LRCH2: variants seen among roughly 807,000 people sequenced by gnomAD.
LRCH2 encodes leucine rich repeats and calponin homology domain containing 2.
A neutral mutation model predicts 68.9 loss-of-function variants in LRCH2; 38 were observed. The ratio of observed to expected loss-of-function variants is 0.55; its 90% CI spans 0.43 to 0.72. The LOEUF is 0.72. Among genes scored for constraint, LRCH2 ranks in the 30% least tolerant of loss-of-function variants. The probability of loss-of-function intolerance (pLI) is 0.00; values close to 1 mark genes in which losing one functional copy is unlikely to be tolerated. For synonymous variants in LRCH2, 191 were observed against 208.1 expected, an observed-to-expected ratio of 0.92 and a Z score of 0.71; for missense variants, 528 against 572.9, an observed-to-expected ratio of 0.92 and a Z score of 0.80.
At chrX:115,200,797 C>G (rs2072925374) in intron 1 of LRCH2, among the ~76,000 whole-genome samples, 1 of 110,981 alleles carries the variant, frequency 9.0e-6, no homozygotes, top group African/African-American at 3.3e-5. Flanking sequence ...CTAATTCTTT[C>G]CATGAGGCCA....
intron 20 of LRCH2, among the ~76,000 whole-genome samples, chrX:115,120,094 C>G (rs1375783947): frequency 9.7e-5 from 10 of 103,099 alleles, no homozygotes; most frequent in Non-Finnish European, 1.6e-4. Flanking sequence ...CATTACCATT[C>G]AGGACATAGG....
At chrX:115,146,906 TACACACACACACAC>T (rs57837250) in intron 14 of LRCH2, among the ~76,000 whole-genome samples, 22 of 67,575 alleles carry the variant, frequency 3.3e-4, no homozygotes, top group African/African-American at 6.3e-4. Context: ...CTTACATACA[TACACACACACACAC>T]ACACACACAC....
At chrX:115,233,426 C>T (rs1277170973) in intron 1 of LRCH2, among the ~76,000 whole-genome samples, 2 of 111,794 alleles carry the variant, frequency 1.8e-5, no homozygotes, top group Non-Finnish European at 3.8e-5. Flanking sequence ...CCCTCCCACC[C>T]AAACTGGGGA....
In LRCH2 at chrX:115,123,193, C is replaced by T; in HGVS notation, c.1850-1G>A. 1 of 1,193,702 alleles carries T rather than the reference C, an allele frequency of 8.4e-7. No individual in the cohort carries two copies. The highest frequency in any genetic ancestry group is 1.1e-6 in the Non-Finnish European group (1 of 884,211). On this transcript the variant is annotated splice_acceptor_variant, in intron 17 of 20. Coordinates refer to ENST00000317135, the MANE Select transcript of LRCH2 (RefSeq NM_020871.4). LOFTEE classifies it high-confidence loss of function. Reference sequence around the variant, plus strand: ...TCTTGGCGAGATGAGCGGCTAAAAGCTATAAAAACAGAAATTTCCTAACTT... The same window carrying T: ...TCTTGGCGAGATGAGCGGCTAAAAGTTATAAAAACAGAAATTTCCTAACTT...
At position 115,126,886 on chromosome X, in the gene LRCH2, C is replaced by G; in HGVS notation, c.1748G>C (p.Ser583Thr). 9.6e-7 allele frequency: 1 copy of G among 1,045,607 alleles called. No homozygotes were observed. Among genetic ancestry groups the G allele is most frequent in the African/African-American group, 2.0e-5 (1 of 51,232 alleles). The allele number at this position is 1,045,607 out of a possible 1,213,427, so 86.2% of individuals were successfully genotyped here. ...SSGNENDEQD[S>T]DNANMSTQSP... ...TTGTGTTGACATATTAGCATTATCA[C>G]TGTCTTGCTAAAACATAAAAATAAA... is the stretch of plus-strand genomic sequence containing the variant. Residue 583 changes from serine (S) to threonine (T), a missense_variant, in exon 16 of 21, where the codon AGT becomes ACT. By Grantham distance (58) the Ser-to-Thr change is moderately conservative. Transcript: ENST00000317135.
intron 2 of LRCH2, among the ~76,000 whole-genome samples, chrX:115,186,321 C>G (rs1415687534): frequency 2.8e-5 from 3 of 106,665 alleles, no homozygotes; most frequent in Non-Finnish European, 5.8e-5. Context: ...CCACTCCACC[C>G]TGGGAGACAG....
chrX:115,130,907 C>T (rs1282784396), intron 14 of LRCH2, among the ~76,000 whole-genome samples: 3 of 110,843 alleles, frequency 2.7e-5, no homozygotes, highest in Non-Finnish European at 3.8e-5. Context: ...CACTGGAATT[C>T]TTACTTCTGA....
intron 5 of LRCH2, among the ~76,000 whole-genome samples, chrX:115,172,752 AT>A (rs35680669): frequency 0.099 from 8,160 of 82,418 alleles, 337 homozygotes; most frequent in Middle Eastern, 0.15. Context: ...CTTACTTTCT[AT>A]TTTTTTTTTT....
intron 14 of LRCH2, among the ~76,000 whole-genome samples, chrX:115,136,572 C>T (rs1276424258): frequency 9.1e-5 from 10 of 110,471 alleles, no homozygotes; most frequent in Non-Finnish European, 1.7e-4. Flanking sequence ...GACAACTATA[C>T]TCCCATTTCT....
chrX:115,135,505 A>C (rs2072282909), intron 14 of LRCH2, among the ~76,000 whole-genome samples: 1 of 111,335 alleles, frequency 9.0e-6, no homozygotes, highest in Non-Finnish European at 1.9e-5. Flanking sequence ...AGTTGCTTTT[A>C]ATGGATGTGC....
intron 15 of LRCH2, among the ~76,000 whole-genome samples, chrX:115,128,903 T>C (rs1459997345): frequency 1.8e-5 from 2 of 111,830 alleles, no homozygotes; most frequent in South Asian, 3.7e-4. Flanking sequence ...TTATAATATC[T>C]AGGGGGTGTG....
rs191890345 is a variant in LRCH2, at chrX:115,233,630, G to A, written c.349+63C>T. The A allele has an allele frequency of 6.9e-4, 719 of 1,042,234 alleles. 3 individuals are homozygous for A. In the African/African-American group the frequency reaches 0.012, roughly 18 times the overall value. The allele number at this position is 1,042,234 out of a possible 1,213,427, so 85.9% of individuals were successfully genotyped here. A position where few individuals can be genotyped will look rare whatever the true frequency, so the allele number is the denominator to read the frequency against. The stretch of plus-strand genomic sequence containing the variant: ...CCGCAGAGTCCAACAACGCAGCCAC[G>A]CAGCCACCCACTCCCCGCACCTCCT... On this transcript the variant is annotated intron_variant, in intron 1 of 20. Coordinates refer to ENST00000317135, the MANE Select transcript of LRCH2 (RefSeq NM_020871.4).
chrX:115,160,979 G>A (rs1164326538), intron 11 of LRCH2, among the ~76,000 whole-genome samples: 1 of 112,392 alleles, frequency 8.9e-6, no homozygotes, highest in African/African-American at 3.2e-5. Context: ...TAAAAATTCT[G>A]AGATCCAGTT....
intron 20 of LRCH2, among the ~76,000 whole-genome samples, chrX:115,121,652 CA>C (rs1197169252): frequency 2.7e-5 from 3 of 111,398 alleles, no homozygotes; most frequent in Admixed American, 9.5e-5. Context: ...GACTCTGTCT[CA>C]AAAAAACAAA....
intron 5 of LRCH2, among the ~76,000 whole-genome samples, chrX:115,171,919 G>A (rs782189563): frequency 9.1e-6 from 1 of 110,018 alleles, no homozygotes; most frequent in African/African-American, 3.3e-5. Context: ...GGGTTCAAGT[G>A]ATCCTCCCAC....
At chrX:115,201,957 ATC>A (rs1454105967) in intron 1 of LRCH2, among the ~76,000 whole-genome samples, 2 of 111,972 alleles carry the variant, frequency 1.8e-5, no homozygotes, top group Non-Finnish European at 3.8e-5. Context: ...GAGGTTAAAG[ATC>A]TCTACAAGGA....
intron 12 of LRCH2, among the ~76,000 whole-genome samples, chrX:115,150,658 C>G (rs782563270): frequency 9.0e-6 from 1 of 110,791 alleles, no homozygotes; most frequent in South Asian, 3.8e-4. Flanking sequence ...TCCACTGAAG[C>G]TGCTATAACT....
intron 1 of LRCH2, among the ~76,000 whole-genome samples, chrX:115,212,747 G>C (rs1409860031): frequency 9.1e-6 from 1 of 109,436 alleles, no homozygotes; most frequent in African/African-American, 3.3e-5. Context: ...GAGGAGGGTG[G>C]ATTGCTTGAG....
intron 1 of LRCH2, among the ~76,000 whole-genome samples, chrX:115,230,970 A>G (rs1556578248): frequency 9.0e-6 from 1 of 110,686 alleles, no homozygotes; most frequent in African/African-American, 3.3e-5. Context: ...CAAACAAAAA[A>G]TCTCCCTTGC....
Sources: gnomAD v4.1 joint callset for allele counts (sites outside exome capture counted in the v4.1 genomes callset) on GRCh38, gnomAD v4.1.1 for gene constraint, MANE v1.5 for transcripts, NCBI Gene and HGNC (gene_info 2026-07-23, HGNC 2026-07-21) for gene names.